SLCO2A1: variants seen among roughly 807,000 people sequenced by gnomAD.
SLCO2A1 encodes the protein solute carrier organic anion transporter family member 2A1.
Under a neutral mutation model 71.7 loss-of-function variants are expected in SLCO2A1, and 60 were observed. That is an observed-to-expected ratio of 0.84 (90% CI 0.68 to 1.04). The LOEUF (loss-of-function observed/expected upper bound fraction) is 1.04, where lower values mean the gene tolerates loss of function less well. SLCO2A1 is among the 50% of genes least tolerant of loss of function. The pLI, the probability that SLCO2A1 is intolerant of heterozygous loss-of-function variation, is 0.00. For synonymous variants in SLCO2A1, 308 were observed against 326.7 expected (o/e 0.94, Z 0.62); for missense variants, 745 against 813.4 (o/e 0.92, Z 1.02).
intron 1 of SLCO2A1, among the ~76,000 whole-genome samples, chr3:133,995,545 T>C (rs1291707083): frequency 3.3e-5 from 5 of 152,224 alleles, no homozygotes; most frequent in Non-Finnish European, 4.4e-5. Flanking sequence ...CTTCTACTTA[T>C]CCATCTTCCT....
intron 1 of SLCO2A1, among the ~76,000 whole-genome samples, chr3:134,018,212 A>C (rs894765371): frequency 6.6e-6 from 1 of 152,200 alleles, no homozygotes; most frequent in African/African-American, 2.4e-5. Context: ...GTTGTCTTCA[A>C]TGTTAGAGAA....
chr3:134,022,863 T>C (rs1935618669), intron 1 of SLCO2A1, among the ~76,000 whole-genome samples: 1 of 152,200 alleles, frequency 6.6e-6, no homozygotes, highest in Non-Finnish European at 1.5e-5. Context: ...CTAAGGACTA[T>C]AAAGTCCACT....
At chr3:133,984,989 T>G (rs11709321) in intron 1 of SLCO2A1, among the ~76,000 whole-genome samples, 114,682 of 152,066 alleles carry the variant, frequency 0.75, 43,852 homozygotes, top group Non-Finnish European at 0.81. Flanking sequence ...CACCTGCCCG[T>G]CCCACACCTT....
intron 1 of SLCO2A1, among the ~76,000 whole-genome samples, chr3:134,011,970 C>T (rs1280603786): frequency 6.6e-6 from 1 of 152,122 alleles, no homozygotes. Context: ...CTTGCAAGGC[C>T]TAGTGCAGGG....
At chr3:133,970,580 C>G (rs1345956650) in intron 3 of SLCO2A1, among the ~76,000 whole-genome samples, 1 of 152,232 alleles carries the variant, frequency 6.6e-6, no homozygotes, top group Non-Finnish European at 1.5e-5. Flanking sequence ...ACGTGGTGCA[C>G]TGGCACCGTG....
chr3:134,028,835 G>A (rs531771537), intron 1 of SLCO2A1, among the ~76,000 whole-genome samples: 18 of 152,358 alleles, frequency 1.2e-4, no homozygotes, highest in Middle Eastern at 3.4e-3. Context: ...TGCCTAGGCA[G>A]AACGGGCAAA....
intron 9 of SLCO2A1, among the ~76,000 whole-genome samples, chr3:133,946,034 C>A (rs1430421558): frequency 6.6e-6 from 1 of 152,120 alleles, no homozygotes; most frequent in Non-Finnish European, 1.5e-5. Flanking sequence ...ACAGTCCAGG[C>A]CTGTCTGAGG....
At chr3:133,985,466 T>G (rs1934692291) in intron 1 of SLCO2A1, among the ~76,000 whole-genome samples, 3 of 152,214 alleles carry the variant, frequency 2.0e-5, no homozygotes, top group Admixed American at 6.5e-5. Flanking sequence ...ATTTGAGTCT[T>G]GCAATTTCTT....
intron 1 of SLCO2A1, among the ~76,000 whole-genome samples, chr3:134,001,926 T>C (rs1369480188): frequency 6.6e-6 from 1 of 152,076 alleles, no homozygotes; most frequent in Non-Finnish European, 1.5e-5. Context: ...ACCACAGCGA[T>C]CGCCACCCTC....
chr3:134,017,077 A>G (rs981908720), intron 1 of SLCO2A1, among the ~76,000 whole-genome samples: 1 of 152,238 alleles, frequency 6.6e-6, no homozygotes, highest in African/African-American at 2.4e-5. Flanking sequence ...GGGTCAGCAC[A>G]GGAGAAATCC....
At chr3:134,012,847 T>C (rs1180215899) in intron 1 of SLCO2A1, among the ~76,000 whole-genome samples, 3 of 152,018 alleles carry the variant, frequency 2.0e-5, no homozygotes, top group African/African-American at 7.3e-5. Flanking sequence ...TCCTCGGCAC[T>C]TCCCCTGCAC....
At chr3:134,017,706 G>A (rs958871677) in intron 1 of SLCO2A1, among the ~76,000 whole-genome samples, 2 of 152,220 alleles carry the variant, frequency 1.3e-5, no homozygotes, top group African/African-American at 4.8e-5. Flanking sequence ...GGCTTGAAGT[G>A]AGTGCTGGGG....
chr3:133,962,792 C>T (rs946598518), intron 3 of SLCO2A1, among the ~76,000 whole-genome samples: 2 of 152,220 alleles, frequency 1.3e-5, no homozygotes, highest in Non-Finnish European at 2.9e-5. Context: ...GACCTTTCCA[C>T]CAAGTCAAAT....
At chr3:133,989,458 C>A (rs1292086758) in intron 1 of SLCO2A1, among the ~76,000 whole-genome samples, 2 of 152,210 alleles carry the variant, frequency 1.3e-5, no homozygotes, top group Non-Finnish European at 2.9e-5. Flanking sequence ...AACTGCACAA[C>A]CACACTGACA....
At chr3:133,984,088 C>A (rs1301455165) in intron 1 of SLCO2A1, among the ~76,000 whole-genome samples, 3 of 152,184 alleles carry the variant, frequency 2.0e-5, no homozygotes, top group Non-Finnish European at 4.4e-5. Context: ...AAAAACCAGT[C>A]TCCCTCCATC....
chr3:134,027,583 A>G (rs911894887), intron 1 of SLCO2A1, among the ~76,000 whole-genome samples: 9 of 152,150 alleles, frequency 5.9e-5, no homozygotes, highest in Non-Finnish European at 1.0e-4. Context: ...CCGGCTGAAT[A>G]AACCCCTTCC....
chr3:133,987,131 G>GCCAC (rs1934731303), intron 1 of SLCO2A1, among the ~76,000 whole-genome samples: 24 of 105,032 alleles, frequency 2.3e-4, no homozygotes, highest in African/African-American at 9.4e-4. Flanking sequence ...AAAATTCAAA[G>GCCAC]CCCCCCCCCC....
intron 3 of SLCO2A1, among the ~76,000 whole-genome samples, chr3:133,973,227 C>T (rs1934370543): frequency 6.6e-6 from 1 of 152,226 alleles, no homozygotes; most frequent in Non-Finnish European, 1.5e-5. Context: ...GATCGGCAAA[C>T]TCAACATAGT....
intron 3 of SLCO2A1, among the ~76,000 whole-genome samples, chr3:133,961,725 C>G (rs1934041647): frequency 1.3e-5 from 2 of 152,152 alleles, no homozygotes; most frequent in Non-Finnish European, 2.9e-5. Flanking sequence ...CCAATTACAT[C>G]CAAGTCTACT....
Sources: gnomAD v4.1 joint callset for allele counts (sites outside exome capture counted in the v4.1 genomes callset) on GRCh38, gnomAD v4.1.1 for gene constraint, MANE v1.5 for transcripts, NCBI Gene and HGNC (gene_info 2026-07-23, HGNC 2026-07-21) for gene names.